The following ZNF83 variants were observed in gnomAD, a reference collection of about 807,000 sequenced individuals.
ZNF83 encodes the protein zinc finger protein 83.
For missense variants in ZNF83, 552 were observed against 629.9 expected (o/e 0.88, Z 1.32); for synonymous variants, 209 against 213.0 (o/e 0.98, Z 0.17).
At chr19:52,665,616 C>T (rs1360955199) in intron 1 of ZNF83, among the ~76,000 whole-genome samples, 2 of 152,072 alleles carry the variant, frequency 1.3e-5, no homozygotes, top group Non-Finnish European at 2.9e-5. Flanking sequence ...TTTTAATCAC[C>T]TGCTCCACCC....
At chr19:52,683,254 GTGTGTGTGTGTGTGTGTGTGTGTGTGTA>G (rs1413992666) in intron 1 of ZNF83, among the ~76,000 whole-genome samples, 10 of 144,478 alleles carry the variant, frequency 6.9e-5, no homozygotes, top group African/African-American at 2.4e-4. Flanking sequence ...GTGTGTGTGT[GTGTGTGTGTGTGTGTGTGTGTGTGTGTA>G]TGCTCACGTG....
intron 1 of ZNF83, among the ~76,000 whole-genome samples, chr19:52,685,961 A>G (rs114621902): frequency 0.021 from 3,215 of 152,144 alleles, 47 homozygotes; most frequent in Middle Eastern, 0.044. Context: ...TTCCATGCCA[A>G]TCCAACCCAT....
chr19:52,678,034 AAAAAC>A (rs1568580754), intron 1 of ZNF83, among the ~76,000 whole-genome samples: 1 of 151,056 alleles, frequency 6.6e-6, no homozygotes, highest in African/African-American at 2.4e-5. Flanking sequence ...GACTGTCTCA[AAAAAC>A]AAAACAAAAC....
At chr19:52,618,198 A>C (rs2060386537) in intron 2 of ZNF83, among the ~76,000 whole-genome samples, 1 of 151,936 alleles carries the variant, frequency 6.6e-6, no homozygotes, top group East Asian at 1.9e-4. Context: ...TTCAGGTGAT[A>C]ATCTTACCTT....
chr19:52,664,283 C>G (rs1038544416), intron 1 of ZNF83, among the ~76,000 whole-genome samples: 4 of 151,744 alleles, frequency 2.6e-5, no homozygotes, highest in African/African-American at 7.3e-5. Context: ...ATCCCTTAAG[C>G]CCTAGAGTTC....
intron 1 of ZNF83, among the ~76,000 whole-genome samples, chr19:52,681,458 T>C (rs182238389): frequency 1.4e-3 from 219 of 152,286 alleles, no homozygotes; most frequent in Non-Finnish European, 2.5e-3. Flanking sequence ...AACTGAAAAC[T>C]GTTGTGATGA....
chr19:52,648,145 TTTC>T (rs150276545), intron 3 of ZNF83, among the ~76,000 whole-genome samples: 17,528 of 151,018 alleles, frequency 0.12, 1,131 homozygotes, highest in Admixed American at 0.13. Context: ...CTCCTCCTGC[TTTC>T]TTATCTTTTT....
upstream of ZNF83, among the ~76,000 whole-genome samples, chr19:52,643,115 T>C (rs1208051972): frequency 6.6e-6 from 1 of 151,782 alleles, no homozygotes; most frequent in African/African-American, 2.4e-5. Context: ...GTGGTGGAGG[T>C]TGTAGTGAGC....
intron 2 of ZNF83, among the ~76,000 whole-genome samples, chr19:52,625,911 C>A (rs1264457844): frequency 6.6e-6 from 1 of 152,168 alleles, no homozygotes; most frequent in Non-Finnish European, 1.5e-5. Context: ...GTAAAAGACA[C>A]CTCTTTTAGC....
chr19:52,676,225 T>C (rs904093955), intron 1 of ZNF83, among the ~76,000 whole-genome samples: 22 of 152,234 alleles, frequency 1.4e-4, no homozygotes, highest in Admixed American at 2.0e-4. Context: ...GTGAGTGATC[T>C]GCCAGCCTCG....
At position 52,612,979 on chromosome 19, in the gene ZNF83, A is replaced by C. The variant is rs186220396; in HGVS notation, c.*35T>G. Reference sequence around the variant, plus strand: ...TCCAGTATAAATTATTGTATGTCTTACAAGGCTTTAATGCTAACTGAACAC... The same window carrying C: ...TCCAGTATAAATTATTGTATGTCTTCCAAGGCTTTAATGCTAACTGAACAC... On this transcript the variant is annotated 3_prime_UTR_variant, in exon 3 of 3. Transcript: ENST00000301096. The C allele has an allele frequency of 2.0e-6, 3 of 1,511,768 alleles. No homozygotes were observed. The Admixed American group carries it at 6.2e-5, about 31-fold the overall frequency. 93.6% of individuals were successfully genotyped at this position (1,511,768 alleles called of 1,614,324 possible).
chr19:52,615,162 G>A (rs977191787), intron 2 of ZNF83, among the ~76,000 whole-genome samples: 8 of 152,204 alleles, frequency 5.3e-5, no homozygotes, highest in African/African-American at 1.9e-4. Context: ...AAAGAATTTT[G>A]TACTTAAGAA....
chr19:52,679,508 G>A (rs925710358), intron 1 of ZNF83, among the ~76,000 whole-genome samples: 1 of 152,214 alleles, frequency 6.6e-6, no homozygotes, highest in East Asian at 1.9e-4. Context: ...CTACAAGGGA[G>A]GCTCAGGCAG....
At chr19:52,686,956 C>T (rs2062027043) in intron 1 of ZNF83, among the ~76,000 whole-genome samples, 1 of 151,864 alleles carries the variant, frequency 6.6e-6, no homozygotes, top group African/African-American at 2.4e-5. Flanking sequence ...TCGAGGTGAG[C>T]AGATCACCTG....
chr19:52,672,513 T>G (rs1197554823), intron 1 of ZNF83, among the ~76,000 whole-genome samples: 1 of 152,248 alleles, frequency 6.6e-6, no homozygotes, highest in Non-Finnish European at 1.5e-5. Context: ...GATGGGAGGC[T>G]GAGGCAGGAG....
chr19:52,689,068 TGA>T (rs2062098549), intron 1 of ZNF83, among the ~76,000 whole-genome samples: 2 of 152,184 alleles, frequency 1.3e-5, no homozygotes, highest in Admixed American at 1.3e-4. Context: ...GTTTTTCCTT[TGA>T]TGCAGCTACA....
At chr19:52,639,167 ATC>A (rs1266326653), upstream of ZNF83, among the ~76,000 whole-genome samples, 1 of 152,014 alleles carries the variant, frequency 6.6e-6, no homozygotes, top group Non-Finnish European at 1.5e-5. Flanking sequence ...CAATGGCGCG[ATC>A]TCTGTCTCCC....
At chr19:52,618,634 T>G in intron 2 of ZNF83, 1 of 398,146 alleles carries the variant, frequency 2.5e-6, no homozygotes, top group Non-Finnish European at 4.4e-6. Flanking sequence ...TGACCTGAAG[T>G]GATCCACAAG....
chr19:52,684,223 G>C (rs2147363979), intron 1 of ZNF83, among the ~76,000 whole-genome samples: 2 of 152,152 alleles, frequency 1.3e-5, no homozygotes, highest in South Asian at 4.2e-4. Context: ...ATAAAAAGTA[G>C]CCTGGCTTGG....
Sources: gnomAD v4.1 joint callset for allele counts (sites outside exome capture counted in the v4.1 genomes callset) on GRCh38, gnomAD v4.1.1 for gene constraint, MANE v1.5 for transcripts, NCBI Gene and HGNC (gene_info 2026-07-23, HGNC 2026-07-21) for gene names.